DSCAML1: variants seen among roughly 807,000 people sequenced by gnomAD.
DSCAML1 encodes the protein DS cell adhesion molecule like 1.
A neutral mutation model predicts 200.5 loss-of-function variants in DSCAML1; 38 were observed. The ratio of observed to expected loss-of-function variants is 0.19; its 90% CI spans 0.15 to 0.25. The LOEUF (loss-of-function observed/expected upper bound fraction) is 0.25. DSCAML1 is among the 10% of genes least tolerant of loss of function. The pLI is 1.00. For missense variants in DSCAML1, 2,223 were observed against 2,858.8 expected (o/e 0.78, Z 5.07); for synonymous variants, 1,215 against 1,165.0 (o/e 1.04, Z -0.87).
intron 3 of DSCAML1, among the ~76,000 whole-genome samples, chr11:117,648,223 CTG>C (rs1296749687): frequency 6.6e-6 from 1 of 152,228 alleles, no homozygotes; most frequent in Non-Finnish European, 1.5e-5. Flanking sequence ...TTCTGCCCAG[CTG>C]TGTGTCCATG....
chr11:117,799,506 G>T (rs2055637362), upstream of DSCAML1, among the ~76,000 whole-genome samples: 1 of 152,210 alleles, frequency 6.6e-6, no homozygotes. Context: ...GTTACCCGAA[G>T]GGCGAGGTCA....
chr11:117,746,199 G>GAGCTC (rs1427910090), intron 3 of DSCAML1, among the ~76,000 whole-genome samples: 1 of 110,078 alleles, frequency 9.1e-6, no homozygotes, highest in East Asian at 3.0e-4. Context: ...TCCAGCCTGG[G>GAGCTC]CATCAGAGCG....
At chr11:117,511,772 G>A (rs188993738) in intron 8 of DSCAML1, among the ~76,000 whole-genome samples, 2 of 152,364 alleles carry the variant, frequency 1.3e-5, no homozygotes, top group African/African-American at 4.8e-5. Context: ...GTTGCCTTAC[G>A]GGAGGGCCCT....
intron 3 of DSCAML1, among the ~76,000 whole-genome samples, chr11:117,640,759 C>T (rs2052389951): frequency 1.3e-5 from 2 of 152,344 alleles, no homozygotes; most frequent in Admixed American, 1.3e-4. Context: ...AGGTCACTCT[C>T]CAGGCGTTTC....
chr11:117,435,884 A>C, intron 26 of DSCAML1, 85 bp from the exon 27 acceptor site: 2 of 1,446,926 alleles, frequency 1.4e-6, no homozygotes, highest in Non-Finnish European at 1.9e-6. Context: ...CAGTCCTCTG[A>C]CCTCTCTTGC....
chr11:117,707,865 A>G (rs1236454210), intron 3 of DSCAML1, among the ~76,000 whole-genome samples: 1 of 152,176 alleles, frequency 6.6e-6, no homozygotes, highest in Non-Finnish European at 1.5e-5. Flanking sequence ...CAGCTGCCTG[A>G]TGGCATTCTG....
Position 117,471,933 on chromosome 11 carries a change from G to A in DSCAML1, c.2889C>T (p.Tyr963=). ...CACTGCGGCCAATCTTGTTGAAAGA[G>A]TACATGCGGATGCTGTACACAGATG... is the stretch of plus-strand genomic sequence containing the variant. ...HPASVYSIRM[Y]SFNKIGRSEP... Residue 963 remains tyrosine (Y), a synonymous_variant, in exon 15 of 33, where the codon TAC becomes TAT. Coordinates refer to ENST00000651296, the MANE Select transcript of DSCAML1 (RefSeq NM_020693.4). The A allele has an allele frequency of 6.2e-7, 1 of 1,614,152 alleles. No homozygotes were observed. The highest frequency in any genetic ancestry group is 1.7e-4 in the Middle Eastern group (1 of 6,044).
At chr11:117,450,513 C>G (rs751930328) in intron 20 of DSCAML1, 36 bp downstream of exon 20, 1 of 1,604,968 alleles carries the variant, frequency 6.2e-7, no homozygotes, top group South Asian at 1.1e-5. Flanking sequence ...TTCTTTTCTT[C>G]CATCCCCTTC....
At chr11:117,786,847 C>G (rs1254666460) in intron 1 of DSCAML1, among the ~76,000 whole-genome samples, 1 of 152,184 alleles carries the variant, frequency 6.6e-6, no homozygotes, top group East Asian at 1.9e-4. Context: ...TGCCACACCC[C>G]CTCAGAGACA....
intron 3 of DSCAML1, among the ~76,000 whole-genome samples, chr11:117,629,402 C>T (rs552978560): frequency 7.9e-5 from 12 of 152,182 alleles, no homozygotes; most frequent in African/African-American, 2.4e-4. Context: ...TGATGGCTGC[C>T]CACGCTGAGT....
chr11:117,796,974 G>T, intron 1 of DSCAML1, 60 bp downstream of exon 1: 3 of 1,222,220 alleles, frequency 2.5e-6, no homozygotes, highest in Non-Finnish European at 3.1e-6. Context: ...CCGCCTCGCC[G>T]CCAGCCGCGC....
intron 3 of DSCAML1, among the ~76,000 whole-genome samples, chr11:117,712,713 C>T (rs2053871830): frequency 6.6e-6 from 1 of 152,092 alleles, no homozygotes. Context: ...CAACCCTGCT[C>T]AATCACGCTC....
chr11:117,595,544 C>T (rs971388531), intron 3 of DSCAML1, among the ~76,000 whole-genome samples: 4 of 152,132 alleles, frequency 2.6e-5, no homozygotes, highest in African/African-American at 9.7e-5. Flanking sequence ...ATAGCATTCC[C>T]CTCTGTGGAT....
intron 3 of DSCAML1, among the ~76,000 whole-genome samples, chr11:117,650,700 T>TGTGTGTGTGCGCGC (rs147584706): frequency 9.5e-5 from 14 of 147,466 alleles, no homozygotes; most frequent in Non-Finnish European, 1.8e-4. Context: ...TGTGTGTGTG[T>TGTGTGTGTGCGCGC]GCGTGTGTGT....
At chr11:117,495,408 A>T (rs1038438657) in intron 11 of DSCAML1, among the ~76,000 whole-genome samples, 1 of 152,204 alleles carries the variant, frequency 6.6e-6, no homozygotes, top group South Asian at 2.1e-4. Flanking sequence ...TGCCACGTCT[A>T]GAGTCTCTGT....
At position 117,450,540 on chromosome 11, in the gene DSCAML1, C is replaced by T; in HGVS notation, c.3708+9G>A. On this transcript the variant is annotated intron_variant, in intron 20 of 32. Coordinates refer to ENST00000651296, the MANE Select transcript of DSCAML1 (RefSeq NM_020693.4). ...ATCCCCTTCATCATCTGGCCCTGAA[C>T]TCACTTACCGGCTGGCCAGACCCGG... 2 of 1,613,458 alleles carry T rather than the reference C, an allele frequency of 1.2e-6. No homozygotes were observed. The highest frequency in any genetic ancestry group is 1.7e-6 in the Non-Finnish European group (2 of 1,179,744).
At chr11:117,576,227 T>C (rs2050931140) in intron 3 of DSCAML1, among the ~76,000 whole-genome samples, 1 of 151,804 alleles carries the variant, frequency 6.6e-6, no homozygotes, top group African/African-American at 2.4e-5. Context: ...TTGAGAGGGG[T>C]GATTGGGTTT....
chr11:117,759,319 G>A (rs539394865), intron 3 of DSCAML1, among the ~76,000 whole-genome samples: 1 of 152,284 alleles, frequency 6.6e-6, no homozygotes, highest in South Asian at 2.1e-4. Flanking sequence ...GGAGGGGCAG[G>A]ACAGGGGAGA....
chr11:117,766,029 T>C (rs2054891440), intron 3 of DSCAML1, among the ~76,000 whole-genome samples: 1 of 152,218 alleles, frequency 6.6e-6, no homozygotes, highest in South Asian at 2.1e-4. Flanking sequence ...TACAACTTAA[T>C]CTAAAGGATC....
Sources: allele counts gnomAD v4.1 joint callset (sites outside exome capture counted in the v4.1 genomes callset), GRCh38; gene constraint gnomAD v4.1.1; transcripts MANE v1.5; gene names NCBI Gene and HGNC (gene_info 2026-07-23, HGNC 2026-07-21).